Variants in SPAG17 observed in about 807,000 individuals in gnomAD.
SPAG17 encodes the protein sperm associated antigen 17, also known as sperm-associated antigen 17.
Under a neutral mutation model 273.6 loss-of-function variants are expected in SPAG17, and 169 were observed. That is an observed-to-expected ratio of 0.62 (90% CI 0.55 to 0.70). SPAG17 has a LOEUF of 0.70. SPAG17 is among the 30% of genes least tolerant of loss of function. The pLI, the probability that SPAG17 is intolerant of heterozygous loss-of-function variation, is 0.00. For synonymous variants in SPAG17, 825 were observed against 873.2 expected, an observed-to-expected ratio of 0.94 and a Z score of 0.97; for missense variants, 2,557 against 2,627.8, an observed-to-expected ratio of 0.97 and a Z score of 0.59.
chr1:118,041,947 T>G lies in SPAG17; in HGVS notation c.2910A>C (p.Lys970Asn). Residue 970 changes from lysine to asparagine, a missense_variant, in exon 21 of 49, where the codon AAA becomes AAC. Coordinates refer to ENST00000336338, the MANE Select transcript of SPAG17 (RefSeq NM_206996.4). ...CCTCTTTCTCTGCGTTATCCTTGCCTTTCTTTTTACCAGCTTCTTTACCCT... is the reference window on the plus strand; with the variant it reads ...CCTCTTTCTCTGCGTTATCCTTGCCGTTCTTTTTACCAGCTTCTTTACCCT... ...EKKGKEAGKK[K>N]GKDNAEKEDS... is the part of the protein sequence containing the mutation. 1 of 1,613,984 alleles carries G rather than the reference T, an allele frequency of 6.2e-7. No individual in the cohort carries two copies. The highest frequency in any genetic ancestry group is 8.5e-7 in the Non-Finnish European group (1 of 1,179,916).
Position 118,086,904 on chromosome 1 carries a change from C to T in SPAG17, c.1464G>A (p.Leu488=), listed in dbSNP as rs1655039328. The T allele has an allele frequency of 2.5e-6, 4 of 1,613,624 alleles. No individual in the cohort carries two copies. Among genetic ancestry groups the T allele is most frequent in the African/African-American group, 1.3e-5 (1 of 74,962 alleles). Residue 488 remains leucine, a synonymous_variant, in exon 11 of 49, where the codon CTG becomes CTA. Transcript: ENST00000336338. ...HRIAAHIVSL[L]PSLCLSEREK... is the part of the protein sequence containing the mutation. The stretch of plus-strand genomic sequence containing the variant: ...CCCTCTCTGAGAGACAGAGTGAGGG[C>T]AGAAGGGACACAATGTGAGCTGCGA...
chr1:118,119,238 T>C (rs1050961270), intron 3 of SPAG17, among the ~76,000 whole-genome samples: 12 of 152,246 alleles, frequency 7.9e-5, no homozygotes, highest in African/African-American at 2.4e-4. Context: ...TTCCCTTGTG[T>C]GTTGACAAGA....
At chr1:118,000,445 C>G (rs902973005) in intron 32 of SPAG17, among the ~76,000 whole-genome samples, 1 of 152,134 alleles carries the variant, frequency 6.6e-6, no homozygotes, top group African/African-American at 2.4e-5. Context: ...TTGATTCTTC[C>G]TATCCATGAG....
intron 4 of SPAG17, 120 bp downstream of exon 4, chr1:118,115,190 A>G: frequency 8.5e-7 from 1 of 1,174,350 alleles, no homozygotes; most frequent in Non-Finnish European, 1.2e-6. Flanking sequence ...GGTGACAGCC[A>G]AATTTGCCAG....
At chr1:117,995,648 A>C (rs1657565373) in intron 34 of SPAG17, among the ~76,000 whole-genome samples, 1 of 151,834 alleles carries the variant, frequency 6.6e-6, no homozygotes, top group African/African-American at 2.4e-5. Context: ...AGGCATATTT[A>C]TAAATGCACA....
intron 26 of SPAG17, among the ~76,000 whole-genome samples, chr1:118,027,344 TG>T (rs1647868566): frequency 6.6e-6 from 1 of 152,136 alleles, no homozygotes; most frequent in South Asian, 2.1e-4. Flanking sequence ...GGGAGGGAGC[TG>T]GGAAGTAAAT....
rs1378621665 is a variant in SPAG17 at position 118,086,854 on chromosome 1, A to C, written c.1497+17T>G. 1.2e-6 allele frequency: 2 copies of C among 1,614,062 alleles called. No individual in the cohort carries two copies. The highest frequency in any genetic ancestry group is 1.7e-6 in the Non-Finnish European group (2 of 1,180,016). On this transcript the variant is annotated intron_variant, in intron 11 of 48. Transcript: ENST00000336338. ...TTTTCCAAAGCATGAAGACTCTGCT[A>C]TCTCAGGCTATCTGACCTTTTTCTC... is the stretch of plus-strand genomic sequence containing the variant.
chr1:118,180,476 G>T (rs2102409837), intron 1 of SPAG17, among the ~76,000 whole-genome samples: 1 of 152,012 alleles, frequency 6.6e-6, no homozygotes, highest in South Asian at 2.1e-4. Context: ...TTGCTTAATG[G>T]GTACAAATAT....
chr1:118,154,140 T>C (rs1490702880), intron 1 of SPAG17, among the ~76,000 whole-genome samples: 1 of 152,152 alleles, frequency 6.6e-6, no homozygotes, highest in Non-Finnish European at 1.5e-5. Context: ...TTTAGAGCTC[T>C]CTAGGAGAGC....
chr1:117,954,570 T>G, intron 48 of SPAG17: 1 of 1,612,032 alleles, frequency 6.2e-7, no homozygotes, highest in Non-Finnish European at 8.5e-7. Flanking sequence ...ATTTAATAAT[T>G]TCTTCATAGG....
At chr1:117,990,762 T>C (rs1370606031) in intron 38 of SPAG17, 99 bp downstream of exon 38, 1 of 723,898 alleles carries the variant, frequency 1.4e-6, no homozygotes, top group Non-Finnish European at 2.3e-6. Context: ...ATGTACATGG[T>C]GTCTTGTTAT....
intron 30 of SPAG17, among the ~76,000 whole-genome samples, chr1:118,009,849 TAAATAAGGA>T (rs1390119993): frequency 1.3e-5 from 2 of 150,488 alleles, no homozygotes; most frequent in Non-Finnish European, 3.0e-5. Context: ...AATGGATGAA[TAAATAAGGA>T]AAATAAAGAA....
chr1:117,982,540 C>A (rs1451487943), intron 42 of SPAG17, among the ~76,000 whole-genome samples: 1 of 152,174 alleles, frequency 6.6e-6, no homozygotes, highest in African/African-American at 2.4e-5. Context: ...CGTGCCCGGC[C>A]CCCTATCTGG....
intron 48 of SPAG17, chr1:117,955,167 A>C: frequency 1.7e-6 from 1 of 598,110 alleles, no homozygotes; most frequent in Non-Finnish European, 2.9e-6. Context: ...GATCTGACTG[A>C]CTCTAAACTC....
intron 20 of SPAG17, among the ~76,000 whole-genome samples, chr1:118,050,055 A>C (rs1167371397): frequency 6.6e-6 from 1 of 152,182 alleles, no homozygotes; most frequent in Non-Finnish European, 1.5e-5. Flanking sequence ...TTCTCTAGGA[A>C]TGCTAGACTG....
intron 8 of SPAG17, 95 bp downstream of exon 8, chr1:118,093,061 T>C (rs1019036524): frequency 7.6e-6 from 10 of 1,317,108 alleles, no homozygotes; most frequent in Non-Finnish European, 9.4e-6. Context: ...AATGTAAGTA[T>C]TTATGTAACT....
chr1:118,095,005 A>T (rs1250549296), intron 7 of SPAG17, among the ~76,000 whole-genome samples: 6 of 152,214 alleles, frequency 3.9e-5, no homozygotes, highest in Non-Finnish European at 4.4e-5. Context: ...TTCATGGCCC[A>T]ACTAGAGACC....
At chr1:118,062,999 G>C (rs1216615380) in intron 18 of SPAG17, among the ~76,000 whole-genome samples, 1 of 152,120 alleles carries the variant, frequency 6.6e-6, no homozygotes, top group Non-Finnish European at 1.5e-5. Flanking sequence ...TAATTAATGG[G>C]TCAAGTAAGA....
At chr1:117,992,764 G>A (rs1571174380) in intron 35 of SPAG17, 116 bp from the exon 36 acceptor site, 1 of 918,026 alleles carries the variant, frequency 1.1e-6, no homozygotes, top group East Asian at 3.1e-5. Flanking sequence ...TAGGGACACA[G>A]TGGTGAAAAA....
Sources: gnomAD v4.1 joint callset for allele counts (sites outside exome capture counted in the v4.1 genomes callset) on GRCh38, gnomAD v4.1.1 for gene constraint, MANE v1.5 for transcripts, NCBI Gene and HGNC (gene_info 2026-07-23, HGNC 2026-07-21) for gene names.